Variants in VCL observed in about 807,000 individuals in gnomAD.
VCL encodes epididymis luminal protein 114.
In VCL, 47 loss-of-function variants were observed where a neutral mutation model predicts 125.7. That is an observed-to-expected ratio of 0.37 (90% CI 0.30 to 0.48). The LOEUF (loss-of-function observed/expected upper bound fraction) is 0.48. Ranked by LOEUF, VCL falls within the 20% of genes least tolerant of loss-of-function variation. The pLI, the probability that VCL is intolerant of heterozygous loss-of-function variation, is 0.99. For missense variants in VCL, 1,069 were observed against 1,455.5 expected (o/e 0.73, Z 4.32); for synonymous variants, 458 against 514.6 (o/e 0.89, Z 1.49).
Position 74,103,899 on chromosome 10 carries a change from A to C in VCL, c.2102A>C (p.Gln701Pro), listed in dbSNP as rs765427693. 2 of 1,614,190 alleles carry C rather than the reference A, an allele frequency of 1.2e-6. No individual in the cohort carries two copies. ...AYEHFETMKNQWIDNVEKMTG... is the reference protein window; with the variant it reads ...AYEHFETMKNPWIDNVEKMTG... ...GAACATTTTGAGACCATGAAGAACC[A>C]GTGGATCGATAATGTTGAAAAAATG... is the stretch of plus-strand genomic sequence containing the variant. The change falls in exon 15 of 22, where the codon CAG becomes CCG. Residue 701 changes from glutamine (Q) to proline (P), a missense_variant. Gln to Pro is a moderately conservative substitution (Grantham distance 76). This residue lies in a region of VCL where 760 missense variants were observed against 928.9 expected (regional missense o/e 0.82). Transcript: ENST00000211998.
intron 1 of VCL, among the ~76,000 whole-genome samples, chr10:74,036,819 A>G (rs1310433662): frequency 6.6e-6 from 1 of 151,964 alleles, no homozygotes; most frequent in African/African-American, 2.4e-5. Context: ...GAAGAATAAC[A>G]TTTTCCCACC....
chr10:74,049,521 G>A (rs897111218), intron 2 of VCL, among the ~76,000 whole-genome samples: 3 of 152,142 alleles, frequency 2.0e-5, no homozygotes, highest in African/African-American at 7.2e-5. Context: ...AGTAGAAAGA[G>A]CGTTTATGTA....
At chr10:74,055,536 T>C (rs951795143) in intron 2 of VCL, among the ~76,000 whole-genome samples, 9 of 151,868 alleles carry the variant, frequency 5.9e-5, no homozygotes, top group Non-Finnish European at 1.2e-4. Flanking sequence ...AAAAATTTTT[T>C]TTTTTTTAGA....
intron 21 of VCL, among the ~76,000 whole-genome samples, chr10:74,116,429 A>C (rs1840311664): frequency 6.6e-6 from 1 of 152,226 alleles, no homozygotes. Context: ...AAGGAAGGGT[A>C]AGACTGAGAT....
At chr10:74,115,389 T>C (rs1840295484) in intron 21 of VCL, among the ~76,000 whole-genome samples, 1 of 105,770 alleles carries the variant, frequency 9.5e-6, no homozygotes, top group Non-Finnish European at 2.1e-5. Context: ...AATAAATAGA[T>C]AAATAAATAA....
chr10:74,113,501 C>G (rs1168820042), intron 19 of VCL, among the ~76,000 whole-genome samples: 1 of 152,026 alleles, frequency 6.6e-6, no homozygotes, highest in Non-Finnish European at 1.5e-5. Flanking sequence ...AAAATTAAAG[C>G]AACATGTTCG....
intron 6 of VCL, 73 bp downstream of exon 6, chr10:74,074,976 C>T: frequency 6.3e-7 from 1 of 1,580,280 alleles, no homozygotes; most frequent in Non-Finnish European, 8.7e-7. Flanking sequence ...TGGCACCTGT[C>T]TCATACTTTA....
At chr10:74,102,267 A>G (rs961275508) in intron 14 of VCL, among the ~76,000 whole-genome samples, 6 of 140,638 alleles carry the variant, frequency 4.3e-5, no homozygotes, top group African/African-American at 1.3e-4. Context: ...ATCTGTTTCT[A>G]TAACTTTCTT....
chr10:74,088,444 G>A lies in VCL; in HGVS notation c.1023-752G>A, dbSNP rs533669269. ...GTTTCGATTATTTATATATTTATAG[G>A]TTGCCTAGGAGGAAGGTAGGCATTT... is the stretch of plus-strand genomic sequence containing the variant. On this transcript the variant is annotated intron_variant, in intron 8 of 21. Coordinates refer to ENST00000211998, the MANE Select transcript of VCL (RefSeq NM_014000.3). 5.2e-4 allele frequency among the ~76,000 whole-genome samples: 79 copies of A among 152,178 alleles called. 1 individual carries two copies. Among genetic ancestry groups the A allele is most frequent in the South Asian group, 1.7e-3 (8 of 4,820 alleles).
intron 1 of VCL, among the ~76,000 whole-genome samples, chr10:74,025,708 G>GGA (rs1840759344): frequency 1.1e-5 from 1 of 88,730 alleles, no homozygotes; most frequent in Non-Finnish European, 2.5e-5. Context: ...GGAAGGAAGG[G>GGA]AGGGAGGGAG....
At chr10:74,092,643 G>T (rs190878479) in intron 10 of VCL, among the ~76,000 whole-genome samples, 1 of 151,992 alleles carries the variant, frequency 6.6e-6, no homozygotes, top group South Asian at 2.1e-4. Context: ...GAGCTACCAC[G>T]GCCCAGGCTT....
chr10:74,110,996 A>T (rs779447036), intron 18 of VCL, among the ~76,000 whole-genome samples: 1 of 152,140 alleles, frequency 6.6e-6, no homozygotes, highest in African/African-American at 2.4e-5. Flanking sequence ...CCAAGTTCAC[A>T]TATTATTCTA....
intron 1 of VCL, among the ~76,000 whole-genome samples, chr10:74,001,615 C>T (rs990611596): frequency 8.6e-5 from 13 of 151,876 alleles, no homozygotes; most frequent in African/African-American, 2.7e-4. Flanking sequence ...CCTGGACTTG[C>T]GAGTGGCAGG....
intron 1 of VCL, among the ~76,000 whole-genome samples, chr10:74,037,541 A>C (rs1414839433): frequency 1.3e-5 from 2 of 152,222 alleles, no homozygotes; most frequent in Non-Finnish European, 2.9e-5. Flanking sequence ...AGGTAACATA[A>C]TCCTCTCTGC....
intron 18 of VCL, 79 bp from the exon 19 acceptor site, chr10:74,111,830 A>C (rs1206755745): frequency 6.4e-7 from 1 of 1,564,740 alleles, no homozygotes; most frequent in Non-Finnish European, 8.7e-7. Flanking sequence ...TTACTAAACC[A>C]GCTGAAGCCC....
rs1325727451 is a variant in VCL at position 74,119,805 on chromosome 10, C to CTGA, written c.*1638_*1640dup. The CTGA allele has an allele frequency of 6.6e-6, 1 of 152,460 alleles. No homozygotes were observed. The allele number at this position is 152,460 out of a possible 1,614,324, so 9.4% of individuals were successfully genotyped here. A position where few individuals can be genotyped will look rare whatever the true frequency, so the allele number is the denominator to read the frequency against. On this transcript the variant is annotated 3_prime_UTR_variant, in exon 22 of 22. Transcript: ENST00000211998. ...TCAGCATATTTGTATAGTTGCTTGC[C>CTGA]TGATATAAATGCAATATTAATGCCT...
At chr10:74,048,117 GC>G (rs1158066812) in intron 2 of VCL, among the ~76,000 whole-genome samples, 2 of 152,202 alleles carry the variant, frequency 1.3e-5, no homozygotes, top group African/African-American at 4.8e-5. Context: ...CAGGAGTGCA[GC>G]AGCTATGCTG....
chr10:74,104,101 G>A (rs1380923007), intron 15 of VCL, among the ~76,000 whole-genome samples, 173 bp downstream of exon 15: 1 of 152,182 alleles, frequency 6.6e-6, no homozygotes, highest in Non-Finnish European at 1.5e-5. Context: ...TCTCATTCAA[G>A]CCTTGCAACT....
intron 1 of VCL, among the ~76,000 whole-genome samples, chr10:74,036,212 GT>G (rs895576966): frequency 6.6e-6 from 1 of 151,666 alleles, no homozygotes; most frequent in Admixed American, 6.6e-5. Context: ...TTTGTTTTTT[GT>G]TTTTTTTAGA....
Sources: allele counts gnomAD v4.1 joint callset (sites outside exome capture counted in the v4.1 genomes callset), GRCh38; gene constraint gnomAD v4.1.1; regional missense constraint gnomAD v4.1.1; transcripts MANE v1.5; gene names NCBI Gene and HGNC (gene_info 2026-07-23, HGNC 2026-07-21).